The following SNRPN variants were observed in gnomAD, a reference collection of about 807,000 sequenced individuals.
SNRPN encodes small nuclear ribonucleoprotein polypeptide N.
In SNRPN, 7 loss-of-function variants were observed where a neutral mutation model predicts 25.2. The observed-to-expected ratio is 0.28, with a 90% confidence interval of 0.16 to 0.52. The LOEUF is 0.52. Ranked by LOEUF, SNRPN falls within the 20% of genes least tolerant of loss-of-function variation. The pLI is 0.96. For missense variants in SNRPN, 196 were observed against 322.5 expected (o/e 0.61, Z 3.00); for synonymous variants, 124 against 110.6 (o/e 1.12, Z -0.76).
At chr15:24,968,153 T>A in intron 3 of SNRPN, 71 bp downstream of exon 3, 1 of 888,268 alleles carries the variant, frequency 1.1e-6, no homozygotes, top group Non-Finnish European at 1.8e-6. Context: ...GTTCTCTTAA[T>A]TATCAGTGAC....
intron 2 of SNRPN, among the ~76,000 whole-genome samples, chr15:24,900,449 AC>A (rs1339278760): frequency 1.3e-5 from 2 of 152,202 alleles, no homozygotes; most frequent in African/African-American, 4.8e-5. Flanking sequence ...AGCCTTTCTT[AC>A]CAGTTTAAGT....
intron 1 of SNRPN, among the ~76,000 whole-genome samples, chr15:24,885,902 C>T (rs34824271): frequency 0.34 from 51,156 of 151,872 alleles, 8,710 homozygotes; most frequent in South Asian, 0.41. Flanking sequence ...AAAATAATAG[C>T]GTGAACAGAC....
At chr15:24,937,235 G>A (rs1391110888) in intron 3 of SNRPN, among the ~76,000 whole-genome samples, 4 of 151,832 alleles carry the variant, frequency 2.6e-5, no homozygotes, top group African/African-American at 7.3e-5. Context: ...GCGAGACTCC[G>A]TCTAAAACAA....
upstream of SNRPN, among the ~76,000 whole-genome samples, chr15:24,853,086 C>T (rs1240961160): frequency 6.6e-6 from 1 of 152,156 alleles, no homozygotes; most frequent in East Asian, 1.9e-4. Flanking sequence ...GTGTTAGACT[C>T]ACAGAACAAA....
At chr15:24,949,534 C>T (rs2062104801) in intron 3 of SNRPN, among the ~76,000 whole-genome samples, 1 of 151,982 alleles carries the variant, frequency 6.6e-6, no homozygotes, top group Non-Finnish European at 1.5e-5. Flanking sequence ...GCCTGTAGTC[C>T]CAGCTACTAA....
chr15:24,977,059 T>C (rs766460343), intron 7 of SNRPN, 30 bp downstream of exon 7: 37 of 1,523,690 alleles, frequency 2.4e-5, no homozygotes, highest in African/African-American at 1.4e-5. Context: ...TTTTATATTA[T>C]TGGGAGAATA....
At chr15:24,834,751 C>CTCTCTCTCTCTCTCTCTCTCTCTA in intron 2 of SNRPN, among the ~76,000 whole-genome samples, 32 of 60,950 alleles carry the variant, frequency 5.3e-4, no homozygotes, top group South Asian at 5.1e-4. Context: ...CTCTCTCTCT[C>CTCTCTCTCTCTCTCTCTCTCTCTA]TATATATATA....
chr15:24,931,466 C>G (rs2060848891), intron 3 of SNRPN, among the ~76,000 whole-genome samples: 2 of 152,094 alleles, frequency 1.3e-5, no homozygotes, highest in African/African-American at 4.8e-5. Context: ...CTACTGGACA[C>G]TGGAATGAAG....
At chr15:24,946,484 C>T (rs1479016846) in intron 3 of SNRPN, among the ~76,000 whole-genome samples, 2 of 151,990 alleles carry the variant, frequency 1.3e-5, no homozygotes, top group Non-Finnish European at 1.5e-5. Context: ...TTTTTTGAGA[C>T]GAAGTCTTGG....
chr15:24,893,838 C>T (rs1387933745), intron 2 of SNRPN, among the ~76,000 whole-genome samples: 7 of 151,424 alleles, frequency 4.6e-5, no homozygotes, highest in Admixed American at 2.6e-4. Flanking sequence ...GACATCATTA[C>T]GTGTCTGACA....
intron 3 of SNRPN, among the ~76,000 whole-genome samples, chr15:24,938,431 T>G (rs1198981381): frequency 6.6e-6 from 1 of 152,162 alleles, no homozygotes; most frequent in Non-Finnish European, 1.5e-5. Flanking sequence ...CCTGGCCTTC[T>G]GCTTCTAATT....
At chr15:24,939,750 A>G (rs1217315676) in intron 3 of SNRPN, among the ~76,000 whole-genome samples, 2 of 45,006 alleles carry the variant, frequency 4.4e-5, no homozygotes, top group African/African-American at 1.2e-4. Flanking sequence ...TTTTAAAATC[A>G]GGTTTTTTTT....
intron 2 of SNRPN, among the ~76,000 whole-genome samples, chr15:24,893,695 C>T (rs2057856216): frequency 1.6e-5 from 2 of 122,306 alleles, no homozygotes; most frequent in South Asian, 5.0e-4. Context: ...TAGTACATTC[C>T]CATTAAAAAA....
chr15:24,837,576 A>G (rs369741480), intron 2 of SNRPN, among the ~76,000 whole-genome samples: 9 of 151,458 alleles, frequency 5.9e-5, no homozygotes, highest in Admixed American at 2.0e-4. Context: ...TCACCGTGTT[A>G]GCTAGGATGG....
chr15:24,864,339 CTT>C (rs58622804), intron 1 of SNRPN, among the ~76,000 whole-genome samples: 2,757 of 116,722 alleles, frequency 0.024, 88 homozygotes, highest in African/African-American at 0.084. Context: ...CTCTTCTTTT[CTT>C]TTTTTTTTTT....
intron 3 of SNRPN, among the ~76,000 whole-genome samples, chr15:24,935,844 T>C (rs944285104): frequency 1.4e-4 from 21 of 152,138 alleles, no homozygotes; most frequent in East Asian, 9.7e-4. Flanking sequence ...ATGGGCTGGG[T>C]GCGGTGGCTC....
chr15:24,918,459 A>ATATGTGTGTATATATAACATAAT (rs2059704050), intron 2 of SNRPN, among the ~76,000 whole-genome samples: 1 of 128,988 alleles, frequency 7.8e-6, no homozygotes. Context: ...TATATAACAT[A>ATATGTGTGTATATATAACATAAT]ATATATATGT....
chr15:24,828,005 T>C (rs2050225259), intron 1 of SNRPN, among the ~76,000 whole-genome samples: 1 of 152,118 alleles, frequency 6.6e-6, no homozygotes, highest in Non-Finnish European at 1.5e-5. Flanking sequence ...AAAACGGCCC[T>C]TATGTGGTAC....
At chr15:24,853,009 C>T (rs572518283), upstream of SNRPN, among the ~76,000 whole-genome samples, 103 of 152,130 alleles carry the variant, frequency 6.8e-4, no homozygotes, top group African/African-American at 2.5e-3. Flanking sequence ...ATAGGGAATT[C>T]CAAATATATT....
Sources: allele counts gnomAD v4.1 joint callset (sites outside exome capture counted in the v4.1 genomes callset), GRCh38; gene constraint gnomAD v4.1.1; transcripts MANE v1.5; gene names NCBI Gene and HGNC (gene_info 2026-07-23, HGNC 2026-07-21).